HYCC2: variants seen among roughly 807,000 people sequenced by gnomAD.
HYCC2 encodes hyccin 2.
At chr2:201,057,476 A>C in the HYCC2 span, among the ~76,000 whole-genome samples, 1 of 152,194 alleles carries the variant, frequency 6.6e-6, no homozygotes, top group Admixed American at 6.5e-5. Context: ...CCCAGCTTGC[A>C]CCAGATTTTA....
chr2:201,004,307 G>C, the HYCC2 span, among the ~76,000 whole-genome samples: 1 of 152,216 alleles, frequency 6.6e-6, no homozygotes, highest in African/African-American at 2.4e-5. Context: ...CTCCCTTCTA[G>C]AATCAGGTGA....
At chr2:201,000,076 A>G in the HYCC2 span, among the ~76,000 whole-genome samples, 5 of 146,038 alleles carry the variant, frequency 3.4e-5, no homozygotes, top group East Asian at 2.1e-4. Context: ...AAAAAAAAAA[A>G]AAAAGAAATA....
chr2:201,068,602 T>A, the HYCC2 span, among the ~76,000 whole-genome samples: 1 of 152,228 alleles, frequency 6.6e-6, no homozygotes, highest in South Asian at 2.1e-4. Flanking sequence ...TATGCCTTTT[T>A]AAAAACTCCT....
At chr2:201,066,801 T>C in the HYCC2 span, 1 of 153,374 alleles carries the variant, frequency 6.5e-6, no homozygotes, top group East Asian at 1.9e-4. Context: ...AGTCATAAAA[T>C]ATGGTAAGTG....
At chr2:201,020,570 A>T in the HYCC2 span, among the ~76,000 whole-genome samples, 33,063 of 152,082 alleles carry the variant, frequency 0.22, 4,457 homozygotes, top group African/African-American at 0.38. Context: ...GGGAAAGAAA[A>T]AAAGATCAGT....
the HYCC2 span, among the ~76,000 whole-genome samples, chr2:201,012,053 C>A: frequency 1.3e-5 from 2 of 152,060 alleles, no homozygotes; most frequent in Non-Finnish European, 2.9e-5. Flanking sequence ...ACATGCAACA[C>A]CTCATAGTTA....
the HYCC2 span, among the ~76,000 whole-genome samples, chr2:200,983,886 T>C: frequency 6.6e-6 from 1 of 152,080 alleles, no homozygotes; most frequent in Non-Finnish European, 1.5e-5. Context: ...AATATGGCCA[T>C]AAAAAAGATG....
chr2:201,034,732 C>G, the HYCC2 span, among the ~76,000 whole-genome samples: 1 of 152,200 alleles, frequency 6.6e-6, no homozygotes, highest in Non-Finnish European at 1.5e-5. Flanking sequence ...CATGTTTTTG[C>G]AGTGGCTGGT....
At chr2:200,976,372 C>G in the HYCC2 span, 34 of 152,232 alleles carry the variant, frequency 2.2e-4, no homozygotes, top group African/African-American at 7.7e-4. Context: ...AATCCAAGGT[C>G]AGAAATGGAC....
At chr2:200,981,984 C>T in the HYCC2 span, 7 of 1,148,406 alleles carry the variant, frequency 6.1e-6, no homozygotes, top group African/African-American at 1.1e-4. The surrounding 1 kb of genome is among the most constrained non-coding windows in gnomAD (Gnocchi z 4.5). Flanking sequence ...TTGTCAATGG[C>T]CCTACTATCA....
chr2:201,068,443 T>C, the HYCC2 span, among the ~76,000 whole-genome samples: 1 of 152,202 alleles, frequency 6.6e-6, no homozygotes, highest in Non-Finnish European at 1.5e-5. Context: ...GAGCCTTGAA[T>C]TAGACCAAGG....
the HYCC2 span, among the ~76,000 whole-genome samples, chr2:201,071,076 G>A: frequency 1.3e-5 from 2 of 152,180 alleles, no homozygotes; most frequent in Non-Finnish European, 2.9e-5. Context: ...TCTCCCAGGA[G>A]GGACAACCTA....
chr2:201,050,164 T>G, the HYCC2 span, among the ~76,000 whole-genome samples: 286 of 150,134 alleles, frequency 1.9e-3, 5 homozygotes, highest in South Asian at 0.021. Context: ...TAGTGAGCCA[T>G]AACTGTGCCA....
the HYCC2 span, among the ~76,000 whole-genome samples, chr2:201,038,603 A>C: frequency 6.6e-6 from 1 of 152,144 alleles, no homozygotes; most frequent in African/African-American, 2.4e-5. Flanking sequence ...GGGACATGGA[A>C]GAAGCTGGAA....
chr2:201,013,526 C>CCAAACACA, the HYCC2 span, among the ~76,000 whole-genome samples: 356 of 151,004 alleles, frequency 2.4e-3, 1 homozygote, highest in African/African-American at 7.9e-3. Flanking sequence ...ATCATCATCA[C>CCAAACACA]CAAACACAAA....
the HYCC2 span, among the ~76,000 whole-genome samples, chr2:201,052,892 C>T: frequency 6.6e-5 from 10 of 152,048 alleles, no homozygotes; most frequent in South Asian, 1.4e-3. Flanking sequence ...AGTAGTCAAA[C>T]GAAAACTGAT....
At chr2:200,990,407 T>G in the HYCC2 span, among the ~76,000 whole-genome samples, 2 of 152,014 alleles carry the variant, frequency 1.3e-5, no homozygotes, top group African/African-American at 2.4e-5. Flanking sequence ...CATTTTTTTT[T>G]GTTTTGTTTT....
chr2:201,051,831 T>C, the HYCC2 span, among the ~76,000 whole-genome samples: 1 of 152,126 alleles, frequency 6.6e-6, no homozygotes, highest in Non-Finnish European at 1.5e-5. Context: ...TGTAAGGTCC[T>C]GGCACAAAAA....
the HYCC2 span, chr2:200,974,850 T>G: frequency 2.6e-5 from 4 of 151,932 alleles, no homozygotes; most frequent in East Asian, 7.7e-4. Flanking sequence ...CCTGTTTTTC[T>G]GCAAAGAAAA....
Sources: allele counts gnomAD v4.1 joint callset (sites outside exome capture counted in the v4.1 genomes callset), GRCh38; gene constraint gnomAD v4.1.1; non-coding constraint Gnocchi (gnomAD v3.1); transcripts MANE v1.5; gene names NCBI Gene and HGNC (gene_info 2026-07-23, HGNC 2026-07-21).